Variants in PRCD observed in about 807,000 individuals in gnomAD.
PRCD encodes the protein photoreceptor disc component, also known as photoreceptor disk component PRCD.
PRCD carries 12 observed loss-of-function variants against 10.1 expected under a neutral mutation model. The ratio of observed to expected loss-of-function variants is 1.18; its 90% CI spans 0.76 to 1.92. PRCD has a LOEUF of 1.92. PRCD is among the 40% of genes most tolerant of loss of function. The probability of loss-of-function intolerance (pLI) is 0.00; values close to 1 mark genes in which losing one functional copy is unlikely to be tolerated. For synonymous variants in PRCD, 31 were observed against 26.2 expected, an observed-to-expected ratio of 1.18 and a Z score of -0.56; for missense variants, 61 against 72.2, an observed-to-expected ratio of 0.84 and a Z score of 0.56.
intron 1 of PRCD, among the ~76,000 whole-genome samples, chr17:76,534,258 C>A (rs1310042816): frequency 6.6e-6 from 1 of 151,626 alleles, no homozygotes; most frequent in African/African-American, 2.4e-5. Context: ...CTCACTGCAA[C>A]CTCTGCCTCC....
rs115289005 is a variant in PRCD, at chr17:76,529,858, C to T, written n.45+2025C>T. 881 of 985,278 alleles carry T rather than the reference C, an allele frequency of 8.9e-4. 5 individuals carry two copies. In the African/African-American group the frequency reaches 0.014, roughly 15 times the overall value. 61.0% of individuals were successfully genotyped at this position (985,278 alleles called of 1,614,324 possible). A position where few individuals can be genotyped will look rare whatever the true frequency, so the allele number is the denominator to read the frequency against. On this transcript the variant is annotated intron_variant and non_coding_transcript_variant, in intron 1 of 4. Transcript: ENST00000397633. ...CTGTGCACATCTGGAGTTGGCTTGGCTCCAGCCAGCAGTTCCCGAGGACTC... is the reference window on the plus strand; with the variant it reads ...CTGTGCACATCTGGAGTTGGCTTGGTTCCAGCCAGCAGTTCCCGAGGACTC...
At chr17:76,549,496 A>C (rs1195062186), downstream of PRCD, among the ~76,000 whole-genome samples, 1 of 152,204 alleles carries the variant, frequency 6.6e-6, no homozygotes, top group African/African-American at 2.4e-5. Context: ...ACTGTCCAAG[A>C]TGTCACCCTG....
intron 1 of PRCD, among the ~76,000 whole-genome samples, chr17:76,532,843 G>T (rs1272711742): frequency 6.6e-6 from 1 of 152,286 alleles, no homozygotes; most frequent in African/African-American, 2.4e-5. Context: ...GGCCGACAAT[G>T]ACTTTTTCAC....
chr17:76,544,921 A>T lies in PRCD; in HGVS notation c.*1271A>T. On this transcript the variant is annotated 3_prime_UTR_variant, in exon 5 of 5. Coordinates refer to ENST00000592014, the MANE Select transcript of PRCD (RefSeq NM_001077620.3). ...ACGCCACTGTTCCGAGAACCTGCGCAGGAGGTGGTGGCTGCTCCAGGGATC... is the reference window on the plus strand; with the variant it reads ...ACGCCACTGTTCCGAGAACCTGCGCTGGAGGTGGTGGCTGCTCCAGGGATC... 2 of 456,756 alleles carry T rather than the reference A, an allele frequency of 4.4e-6. No homozygotes were observed. The highest frequency in any genetic ancestry group is 3.1e-5 in the South Asian group (2 of 64,574). 28.3% of individuals were successfully genotyped at this position (456,756 alleles called of 1,614,324 possible).
chr17:76,547,975 TACAC>T (rs1055290433), downstream of PRCD, among the ~76,000 whole-genome samples: 10 of 148,922 alleles, frequency 6.7e-5, no homozygotes, highest in South Asian at 2.1e-4. Flanking sequence ...CACATAAACA[TACAC>T]ATACATACAC....
chr17:76,536,426 C>T (rs1459691134), upstream of PRCD, among the ~76,000 whole-genome samples: 3 of 152,166 alleles, frequency 2.0e-5, no homozygotes, highest in South Asian at 2.1e-4. Context: ...TAGATTTGAC[C>T]GCTTTCCTCT....
rs950511989 is a variant in PRCD, at chr17:76,528,723, C to T, written n.45+890C>T. On this transcript the variant is annotated intron_variant and non_coding_transcript_variant, in intron 1 of 4. Transcript: ENST00000397633. This position sits in a 1 kb window ranked among gnomAD's most constrained non-coding sequence, Gnocchi z 5.8. Reference sequence around the variant, plus strand: ...GAGGCTCACTTCCTGCCAAGAGATCCGGCACAGTGCAGTTGAAAGCAACCG... The same window carrying T: ...GAGGCTCACTTCCTGCCAAGAGATCTGGCACAGTGCAGTTGAAAGCAACCG... 11 of 1,100,124 alleles carry T rather than the reference C, an allele frequency of 1.0e-5. No individual in the cohort carries two copies. The highest frequency in any genetic ancestry group is 1.2e-5 in the Non-Finnish European group (10 of 854,852). 68.1% of individuals were successfully genotyped at this position (1,100,124 alleles called of 1,614,324 possible). A position where few individuals can be genotyped will look rare whatever the true frequency, so the allele number is the denominator to read the frequency against.
chr17:76,540,573 G>C lies in PRCD; in HGVS notation c.143G>C (p.Arg48Thr). 6.2e-7 allele frequency: 1 copy of C among 1,613,354 alleles called. No individual in the cohort carries two copies. Among genetic ancestry groups the C allele is most frequent in the Non-Finnish European group, 8.5e-7 (1 of 1,179,852 alleles). ...SLDADPQSSG[R>T]EKEPLK ...GATGCGGACCCTCAGTCCTCAGGCAGGTAAGGCAGGAGTCTGGGCTGGGGG... is the reference window on the plus strand; with the variant it reads ...GATGCGGACCCTCAGTCCTCAGGCACGTAAGGCAGGAGTCTGGGCTGGGGG... The change falls in exon 2 of 5, where the codon AGG (arginine) becomes ACG (threonine). Residue 48 changes from arginine to threonine, a missense_variant and splice_region_variant. Coordinates refer to ENST00000592014, the MANE Select transcript of PRCD (RefSeq NM_001077620.3). The surrounding 1 kb of genome is among the most constrained non-coding windows in gnomAD (Gnocchi z 5.0).
upstream of PRCD, chr17:76,537,320 G>C: frequency 1.4e-6 from 2 of 1,417,570 alleles, no homozygotes; most frequent in Non-Finnish European, 1.8e-6. Context: ...CTGGAGCTCG[G>C]ACCCGGGCCC....
In PRCD at chr17:76,533,259, G is replaced by A. The variant is rs942137283; in HGVS notation, n.45+5426G>A. Among the ~76,000 whole-genome samples, 4 of 152,208 alleles carry A rather than the reference G, an allele frequency of 2.6e-5. No individual in the cohort carries two copies. The highest frequency in any genetic ancestry group is 9.7e-5 in the African/African-American group (4 of 41,450). On this transcript the variant is annotated intron_variant and non_coding_transcript_variant, in intron 1 of 4. Coordinates refer to the PRCD transcript ENST00000397633. This position sits in a 1 kb window ranked among gnomAD's most constrained non-coding sequence, Gnocchi z 4.5. ...CTCCCTGTTTGCAGAAGGGCAAGAG[G>A]AGGGCCCCCGCTCACTGCTTCATGG...
At chr17:76,527,761 A>ACTGAGGCCC (rs1314986218), upstream of PRCD, 1 of 453,912 alleles carries the variant, frequency 2.2e-6, no homozygotes, top group Non-Finnish European at 4.4e-6. Context: ...AGGTTTCTGG[A>ACTGAGGCCC]CTGAGGCCCC....
exon 2 of PRCD, chr17:76,553,394 A>G (rs1047541): frequency 0.86 from 131,198 of 152,212 alleles, 59,402 homozygotes; most frequent in East Asian, 1. Flanking sequence ...CAGCTGAACG[A>G]AGCCTAGGTT....
rs1488919896 is a variant in PRCD at position 76,530,346 on chromosome 17, G to A, written n.45+2513G>A. On this transcript the variant is annotated intron_variant and non_coding_transcript_variant, in intron 1 of 4. Coordinates refer to the PRCD transcript ENST00000397633. This position sits in a 1 kb window ranked among gnomAD's most constrained non-coding sequence, Gnocchi z 6.1. ...TCCGAGTCAGCAGGAGTCACAGAGG[G>A]CGGCCACCCTCCTTGAGCCACCTCC... is the stretch of plus-strand genomic sequence containing the variant. Among the ~76,000 whole-genome samples, 1 of 152,072 alleles carries A rather than the reference G, an allele frequency of 6.6e-6. No homozygotes were observed. The highest frequency in any genetic ancestry group is 1.5e-5 in the Non-Finnish European group (1 of 68,008).
chr17:76,536,894 C>T (rs906018419), upstream of PRCD, among the ~76,000 whole-genome samples: 29 of 152,210 alleles, frequency 1.9e-4, no homozygotes, highest in African/African-American at 6.8e-4. Flanking sequence ...ACCCCCCGGG[C>T]TCTCCTCTTT....
intron 3 of PRCD, 77 bp downstream of exon 3, chr17:76,542,710 C>T: frequency 1.1e-6 from 1 of 902,522 alleles, no homozygotes; most frequent in Non-Finnish European, 1.8e-6. Flanking sequence ...AAGTCCCGGC[C>T]ATGTGGGAGG....
Position 76,540,620 on chromosome 17 carries a change from G to A in PRCD, c.143+47G>A, listed in dbSNP as rs1351814279. The A allele has an allele frequency of 6.3e-7, 1 of 1,578,936 alleles. No individual in the cohort carries two copies. The highest frequency in any genetic ancestry group is 8.7e-7 in the Non-Finnish European group (1 of 1,150,414). On this transcript the variant is annotated intron_variant, in intron 2 of 4. Coordinates refer to ENST00000592014, the MANE Select transcript of PRCD (RefSeq NM_001077620.3). This position sits in a 1 kb window ranked among gnomAD's most constrained non-coding sequence, Gnocchi z 5.0. ...GGGGAGGGAGGGTGCTGCCAAGGAA[G>A]CTGTGGCTGTGCATGCCTGGGGGTG...
rs748628692 is a variant in PRCD at position 76,540,477 on chromosome 17, T to A, written c.75-28T>A. On this transcript the variant is annotated intron_variant, in intron 1 of 4. Coordinates refer to ENST00000592014, the MANE Select transcript of PRCD (RefSeq NM_001077620.3). This position sits in a 1 kb window ranked among gnomAD's most constrained non-coding sequence, Gnocchi z 5.0. ...GTGAGGGGCTGGGCACAGCCATAGC[T>A]CTTCCTCCCTACTCTTGCCTCCCAC... 1 of 1,612,130 alleles carries A rather than the reference T, an allele frequency of 6.2e-7. No individual in the cohort carries two copies. Among genetic ancestry groups the A allele is most frequent in the Non-Finnish European group, 8.5e-7 (1 of 1,178,698 alleles).
intron 1 of PRCD, among the ~76,000 whole-genome samples, chr17:76,534,705 G>A (rs1410042008): frequency 6.6e-6 from 1 of 152,124 alleles, no homozygotes; most frequent in South Asian, 2.1e-4. Context: ...AGGCAGGCCC[G>A]CTTTGACAGT....
Position 76,533,629 on chromosome 17 carries a change from G to A in PRCD, n.45+5796G>A, listed in dbSNP as rs1409752004. 6.6e-6 allele frequency among the ~76,000 whole-genome samples: 1 copy of A among 152,024 alleles called. No individual in the cohort carries two copies. Among genetic ancestry groups the A allele is most frequent in the Admixed American group, 6.6e-5 (1 of 15,258 alleles). On this transcript the variant is annotated intron_variant and non_coding_transcript_variant, in intron 1 of 4. Transcript: ENST00000397633. The surrounding 1 kb of genome is among the most constrained non-coding windows in gnomAD (Gnocchi z 4.5). ...TTCCAGCTACTCAGGGGCCTAAAGT[G>A]GGAGGATCACTTGAACCCGGGAGGC...
Sources: allele counts gnomAD v4.1 joint callset (sites outside exome capture counted in the v4.1 genomes callset), GRCh38; gene constraint gnomAD v4.1.1; non-coding constraint Gnocchi (gnomAD v3.1); transcripts MANE v1.5; gene names NCBI Gene and HGNC (gene_info 2026-07-23, HGNC 2026-07-21).